The following MYB variants were observed in gnomAD, a reference collection of about 807,000 sequenced individuals.
The protein encoded by MYB is transcriptional activator Myb.
A neutral mutation model predicts 92.9 loss-of-function variants in MYB; 28 were observed. The observed-to-expected ratio is 0.30, with a 90% CI of 0.22 to 0.41. The LOEUF (loss-of-function observed/expected upper bound fraction) is 0.41. MYB is among the 10% of genes least tolerant of loss of function. The pLI, the probability that MYB is intolerant of heterozygous loss-of-function variation, is 1.00. For synonymous variants in MYB, 295 were observed against 329.1 expected (o/e 0.90, Z 1.12); for missense variants, 679 against 929.3 (o/e 0.73, Z 3.50).
chr6:135,189,792 A>G lies in MYB; in HGVS notation c.215A>G (p.Asn72Ser). The G allele has an allele frequency of 6.2e-7, 1 of 1,613,798 alleles. No homozygotes were observed. The highest frequency in any genetic ancestry group is 8.5e-7 in the Non-Finnish European group (1 of 1,179,716). ...GTGGTGCATACTTTATTTGTCTAGAATCGAACAGATGTGCAGTGCCAGCAC... is the reference window on the plus strand; with the variant it reads ...GTGGTGCATACTTTATTTGTCTAGAGTCGAACAGATGTGCAGTGCCAGCAC... ...DWKVIANYLPNRTDVQCQHRW... is the reference protein window; with the variant it reads ...DWKVIANYLPSRTDVQCQHRW... The change falls in exon 4 of 16, where the codon AAT (asparagine) becomes AGT (serine). Residue 72 changes from asparagine to serine, a missense_variant and splice_region_variant. By Grantham distance (46) the Asn-to-Ser change is conservative. Coordinates refer to ENST00000341911, the MANE Select transcript of MYB (RefSeq NM_001130173.2).
At chr6:135,204,042 C>T (rs560707485) in intron 15 of MYB, 1 of 307,936 alleles carries the variant, frequency 3.2e-6, no homozygotes, top group Non-Finnish European at 5.6e-6. Context: ...CTGCAGAGCC[C>T]TCTCCTCCAT....
At chr6:135,199,711 T>G (rs938125799) in intron 11 of MYB, 1 of 304,748 alleles carries the variant, frequency 3.3e-6, no homozygotes, top group Non-Finnish European at 5.2e-6. Context: ...TTTTAAAAGT[T>G]TAACATGTTT....
intron 5 of MYB, among the ~76,000 whole-genome samples, chr6:135,191,274 T>C (rs972645441): frequency 1.3e-5 from 2 of 152,354 alleles, no homozygotes; most frequent in Non-Finnish European, 2.9e-5. Context: ...CTATGGAAGC[T>C]CATTTTGTCC....
At position 135,194,470 on chromosome 6, in the gene MYB, TC is replaced by T; in HGVS notation, c.948+11del. On this transcript the variant is annotated intron_variant, in intron 8 of 15. Coordinates refer to ENST00000341911, the MANE Select transcript of MYB (RefSeq NM_001130173.2). ...ACAGCAGGTGCTACCAGTAAGACTG[TC>T]ATCATGTGCTTGAATGAGGGGATAG... 6.3e-7 allele frequency: 1 copy of T among 1,591,800 alleles called. No individual in the cohort carries two copies. Among genetic ancestry groups the T allele is most frequent in the Non-Finnish European group, 8.6e-7 (1 of 1,160,982 alleles).
chr6:135,200,716 G>T, intron 13 of MYB: 2 of 325,182 alleles, frequency 6.2e-6, no homozygotes, highest in Non-Finnish European at 1.2e-5. Flanking sequence ...ATATAAAGTT[G>T]ATATTTCATT....
intron 15 of MYB, among the ~76,000 whole-genome samples, chr6:135,207,703 C>T (rs973281046): frequency 6.7e-6 from 1 of 150,330 alleles, no homozygotes; most frequent in Non-Finnish European, 1.5e-5. Flanking sequence ...CTAGAGTCAA[C>T]AATTGTTATC....
At chr6:135,215,151 G>C (rs557401344) in intron 15 of MYB, among the ~76,000 whole-genome samples, 1 of 152,308 alleles carries the variant, frequency 6.6e-6, no homozygotes, top group Admixed American at 6.5e-5. Flanking sequence ...TTAAAAGCTA[G>C]AACATTACAC....
intron 15 of MYB, 149 bp from the exon 16 acceptor site, chr6:135,217,715 A>C (rs1243606588): frequency 2.8e-6 from 2 of 711,262 alleles, no homozygotes; most frequent in Admixed American, 4.8e-5. Context: ...AGAACACCGG[A>C]TTTCTGGGGG....
intron 15 of MYB, among the ~76,000 whole-genome samples, chr6:135,208,278 C>T (rs893730012): frequency 1.3e-5 from 2 of 151,490 alleles, no homozygotes; most frequent in Non-Finnish European, 2.9e-5. Flanking sequence ...GGGGTTTCAC[C>T]GTGTTAGCCA....
chr6:135,204,963 A>G (rs577993476), intron 15 of MYB, among the ~76,000 whole-genome samples: 28 of 152,162 alleles, frequency 1.8e-4, no homozygotes, highest in Non-Finnish European at 3.1e-4. Context: ...GCTACTCGGG[A>G]GGCTGAGACA....
chr6:135,189,827 A>G lies in MYB; in HGVS notation c.250A>G (p.Lys84Glu), dbSNP rs1246761830. 1 of 1,614,088 alleles carries G rather than the reference A, an allele frequency of 6.2e-7. No individual in the cohort carries two copies. The highest frequency in any genetic ancestry group is 8.5e-7 in the Non-Finnish European group (1 of 1,180,008). Reference protein sequence around the residue: ...TDVQCQHRWQKVLNPELIKGP... With the variant: ...TDVQCQHRWQEVLNPELIKGP... ...TGTGCAGTGCCAGCACCGATGGCAGAAAGTACTAAACCCTGAGCTCATCAA... is the reference window on the plus strand; with the variant it reads ...TGTGCAGTGCCAGCACCGATGGCAGGAAGTACTAAACCCTGAGCTCATCAA... Residue 84 changes from lysine (K) to glutamate (E), a missense_variant, in exon 4 of 16, where the codon AAA (lysine) becomes GAA (glutamate). Lys to Glu is a moderately conservative substitution (Grantham distance 56). This residue lies in a region of MYB where 88 missense variants were observed against 145.6 expected (regional missense o/e 0.60). Coordinates refer to ENST00000341911, the MANE Select transcript of MYB (RefSeq NM_001130173.2).
At position 135,194,830 on chromosome 6, in the gene MYB, A is replaced by T. The variant is rs1203280472; in HGVS notation, c.948+370A>T. ...TTGGTTTTTTTCTATTATTTTGTTA[A>T]CCTATATTTTCATATTTTATAATTT... On this transcript the variant is annotated intron_variant, in intron 8 of 15. Transcript: ENST00000341911. 4.0e-5 allele frequency: 41 copies of T among 1,032,032 alleles called. No homozygotes were observed. In the Middle Eastern group the frequency reaches 1.2e-3, roughly 31 times the overall value. 63.9% of individuals were successfully genotyped at this position (1,032,032 alleles called of 1,614,324 possible).
At chr6:135,196,926 T>G (rs1351835014) in intron 9 of MYB, 35 bp from the exon 10 acceptor site, 2 of 1,596,754 alleles carry the variant, frequency 1.3e-6, no homozygotes, top group Non-Finnish European at 1.7e-6. Flanking sequence ...TGGCACACAC[T>G]ATCTCAAAGT....
At position 135,197,125 on chromosome 6, in the gene MYB, G is replaced by C; in HGVS notation, c.1368G>C (p.Leu456Phe). ...GCCCAAGGGTGAACAAACGTATGTTGAGTGAGAGTTCACTTGACCCACCCA... is the reference window on the plus strand; with the variant it reads ...GCCCAAGGGTGAACAAACGTATGTTCAGTGAGAGTTCACTTGACCCACCCA... ...EPSPRVNKRMLSESSLDPPKV... is the reference protein window; with the variant it reads ...EPSPRVNKRMFSESSLDPPKV... Residue 456 changes from leucine (L) to phenylalanine (F), a missense_variant, in exon 10 of 16, where the codon TTG becomes TTC. Leu to Phe is a conservative substitution (Grantham distance 22). Around this residue, in one of 8 missense-constraint regions of MYB, gnomAD observed 402 missense variants for 434.2 expected, o/e 0.93. Transcript: ENST00000341911. The C allele has an allele frequency of 3.7e-6, 6 of 1,614,010 alleles. No individual in the cohort carries two copies. The highest frequency in any genetic ancestry group is 5.1e-6 in the Non-Finnish European group (6 of 1,179,880).
At chr6:135,189,666 A>G in intron 3 of MYB, 125 bp from the exon 4 acceptor site, 2 of 734,924 alleles carry the variant, frequency 2.7e-6, no homozygotes. Context: ...TGGGCTCTAA[A>G]CATGCTCTAA....
rs1214589965 is a variant in MYB, at chr6:135,197,302, C to G, written c.1545C>G (p.Ser515Arg). The G allele has an allele frequency of 1.9e-6, 3 of 1,612,048 alleles. No individual in the cohort carries two copies. Among genetic ancestry groups the G allele is most frequent in the Non-Finnish European group, 2.5e-6 (3 of 1,178,782 alleles). The change falls in exon 10 of 16, where the codon AGC becomes AGG. Residue 515 changes from serine to arginine, a missense_variant. Ser to Arg is a moderately radical substitution (Grantham distance 110). Transcript: ENST00000341911. ...CTCCCAAGCGTTCCCCTGTCAAAAG[C>G]CTACCCTTCTCTCCCTCGCAGGTAG... ...SSTPKRSPVK[S>R]LPFSPSQFLN...
At chr6:135,197,877 C>T (rs1025870013) in intron 10 of MYB, among the ~76,000 whole-genome samples, 1 of 152,180 alleles carries the variant, frequency 6.6e-6, no homozygotes, top group Non-Finnish European at 1.5e-5. Flanking sequence ...TTCAGTTTCT[C>T]AACATTGGCT....
Position 135,200,366 on chromosome 6 carries a change from C to G in MYB, c.1901C>G (p.Ala634Gly). The G allele has an allele frequency of 6.2e-7, 1 of 1,614,074 alleles. No homozygotes were observed. Among genetic ancestry groups the G allele is most frequent in the Non-Finnish European group, 8.5e-7 (1 of 1,180,022 alleles). Residue 634 changes from alanine to glycine, a missense_variant, in exon 13 of 16, where the codon GCT (alanine) becomes GGT (glycine). By Grantham distance (60) the Ala-to-Gly change is moderately conservative. This residue lies in a region of MYB where 402 missense variants were observed against 434.2 expected (regional missense o/e 0.93). Transcript: ENST00000341911. ...KQESDESGIVAEFQENGPPLL... is the reference protein window; with the variant it reads ...KQESDESGIVGEFQENGPPLL... ...GAATCTGATGAATCTGGAATTGTTG[C>G]TGAGTTTCAAGAAAATGGACCACCC... is the stretch of plus-strand genomic sequence containing the variant.
At chr6:135,201,087 A>T (rs1362931926) in intron 13 of MYB, among the ~76,000 whole-genome samples, 1 of 152,212 alleles carries the variant, frequency 6.6e-6, no homozygotes, top group African/African-American at 2.4e-5. Flanking sequence ...AAAAAAAATA[A>T]AAATTAAAAT....
Sources: allele counts gnomAD v4.1 joint callset (sites outside exome capture counted in the v4.1 genomes callset), GRCh38; gene constraint gnomAD v4.1.1; regional missense constraint gnomAD v4.1.1; transcripts MANE v1.5; gene names NCBI Gene and HGNC (gene_info 2026-07-23, HGNC 2026-07-21).